Variants in ADAMTS5 observed in about 807,000 individuals in gnomAD.
ADAMTS5 encodes the protein A disintegrin and metalloproteinase with thrombospondin motifs 5.
ADAMTS5 carries 54 observed loss-of-function variants against 81.4 expected under a neutral mutation model. That is an observed-to-expected ratio of 0.66 (90% confidence interval 0.53 to 0.83). The LOEUF (loss-of-function observed/expected upper bound fraction) is 0.83. Among genes scored for constraint, ADAMTS5 ranks in the 40% least tolerant of loss-of-function variants. The pLI, the probability that ADAMTS5 is intolerant of heterozygous loss-of-function variation, is 0.00. For synonymous variants in ADAMTS5, 532 were observed against 508.8 expected (o/e 1.05, Z -0.61); for missense variants, 1,194 against 1,229.9 (o/e 0.97, Z 0.44).
chr21:26,957,447 TGATAGATAGATA>T lies in ADAMTS5; in HGVS notation c.1105-2588_1105-2577del, dbSNP rs3838079. Among the ~76,000 whole-genome samples, 1,114 of 150,506 alleles carry T rather than the reference TGATAGATAGATA, an allele frequency of 7.4e-3. 15 individuals carry two copies. The highest frequency in any genetic ancestry group is 0.025 in the African/African-American group (1,015 of 40,994). ...GTGTGTCTATAGATAGATGGATAGA[TGATAGATAGATA>T]GATAGATAGATAGATAGATATAATC... On this transcript the variant is annotated intron_variant, in intron 1 of 7. Coordinates refer to ENST00000284987, the MANE Select transcript of ADAMTS5 (RefSeq NM_007038.5).
In ADAMTS5 at chr21:26,919,601, A is replaced by G. The variant is rs1478289341; in HGVS notation, c.*4452T>C. The G allele has an allele frequency of 1.3e-5, 2 of 152,014 alleles. No individual in the cohort carries two copies. Among genetic ancestry groups the G allele is most frequent in the African/African-American group, 2.4e-5 (1 of 41,408 alleles). 9.4% of individuals were successfully genotyped at this position (152,014 alleles called of 1,614,324 possible). On this transcript the variant is annotated 3_prime_UTR_variant, in exon 8 of 8. Coordinates refer to ENST00000284987, the MANE Select transcript of ADAMTS5 (RefSeq NM_007038.5). ...GACTGAATGTTTTGCTGATCTGAAC[A>G]CTACCTGTATTCCAATTTTTTGGCT... is the stretch of plus-strand genomic sequence containing the variant.
In ADAMTS5 at chr21:26,954,885, A is replaced by G. The variant is rs1181830212; in HGVS notation, c.1105-14T>C. 1.2e-6 allele frequency: 2 copies of G among 1,613,110 alleles called. No homozygotes were observed. The highest frequency in any genetic ancestry group is 3.3e-5 in the Admixed American group (2 of 59,768). Reference sequence around the variant, plus strand: ...CCCACATAAATCCTGCCCAGGAGAAAGAAAGAAATCATTAAAATCAATTTA... The same window carrying G: ...CCCACATAAATCCTGCCCAGGAGAAGGAAAGAAATCATTAAAATCAATTTA... On this transcript the variant is annotated splice_polypyrimidine_tract_variant and intron_variant, in intron 1 of 7. Transcript: ENST00000284987.
chr21:26,947,727 GC>G (rs1224122889), intron 2 of ADAMTS5, among the ~76,000 whole-genome samples: 2 of 152,200 alleles, frequency 1.3e-5, no homozygotes, highest in Non-Finnish European at 2.9e-5. Context: ...GAACCACTGC[GC>G]CCGATCAGAA....
rs753535346 is a variant in ADAMTS5 at position 26,924,039 on chromosome 21, A to T, written c.*14T>A. On this transcript the variant is annotated 3_prime_UTR_variant, in exon 8 of 8. Coordinates refer to ENST00000284987, the MANE Select transcript of ADAMTS5 (RefSeq NM_007038.5). ...TCCTCCAGTTATCTTTGTGCATAAG[A>T]TCATAACCACAGGCTAACATTTCTT... The T allele has an allele frequency of 1.9e-6, 3 of 1,577,890 alleles. No homozygotes were observed. Among genetic ancestry groups the T allele is most frequent in the East Asian group, 2.3e-5 (1 of 44,234 alleles).
Position 26,965,476 on chromosome 21 carries a change from T to C in ADAMTS5, c.916A>G (p.Ser306Gly). 1.2e-6 allele frequency: 2 copies of C among 1,614,220 alleles called. No individual in the cohort carries two copies. Among genetic ancestry groups the C allele is most frequent in the South Asian group, 1.1e-5 (1 of 91,086 alleles). The change falls in exon 1 of 8, where the codon AGC becomes GGC. Residue 306 changes from serine (S) to glycine (G), a missense_variant. Physicochemically the swap from Ser to Gly is moderately conservative, Grantham distance 56 (BLOSUM62 0). Transcript: ENST00000284987. The part of the protein sequence containing the change: ...SIANRLYSHA[S>G]IENHIRLAVV... ...GCCAGGCGGATGTGGTTCTCGATGCTAGCATGGCTGTACAGCCTATTGGCG... is the reference window on the plus strand; with the variant it reads ...GCCAGGCGGATGTGGTTCTCGATGCCAGCATGGCTGTACAGCCTATTGGCG...
chr21:26,958,946 T>C (rs920008184), intron 1 of ADAMTS5, among the ~76,000 whole-genome samples: 3 of 152,214 alleles, frequency 2.0e-5, no homozygotes, highest in Middle Eastern at 6.8e-3. Flanking sequence ...GGAAACATAA[T>C]GGAATGGGAA....
At position 26,918,521 on chromosome 21, in the gene ADAMTS5, G is replaced by A. The variant is rs773671974; in HGVS notation, c.*5532C>T. On this transcript the variant is annotated 3_prime_UTR_variant, in exon 8 of 8. Transcript: ENST00000284987. ...TATGTATGATTTCCTCTGACTAATAGGTCATACAAATACGTAAGTAGTGTT... is the reference window on the plus strand; with the variant it reads ...TATGTATGATTTCCTCTGACTAATAAGTCATACAAATACGTAAGTAGTGTT... 1.3e-5 allele frequency: 2 copies of A among 151,940 alleles called. No individual in the cohort carries two copies. The highest frequency in any genetic ancestry group is 1.9e-4 in the East Asian group (1 of 5,184). The allele number at this position is 151,940 out of a possible 1,614,324, so 9.4% of individuals were successfully genotyped here.
In ADAMTS5 at chr21:26,965,899, G is replaced by C. The variant is rs1987646335; in HGVS notation, c.493C>G (p.Leu165Val). ...CAGGGTCCGCGCAGCAGTGGCTTTA[G>C]GGTGTAGCGCGCGTGCTTGACCGCG... The part of the protein sequence containing the change: ...FFAVKHARYT[L>V]KPLLRGPWAE... The change falls in exon 1 of 8, where the codon CTA (leucine) becomes GTA (valine). Residue 165 changes from leucine to valine, a missense_variant. Leu to Val is a conservative substitution (Grantham distance 32). This residue lies in a region of ADAMTS5 where 498 missense variants were observed against 412.3 expected (regional missense o/e 1.21). Coordinates refer to ENST00000284987, the MANE Select transcript of ADAMTS5 (RefSeq NM_007038.5). 1 of 1,613,944 alleles carries C rather than the reference G, an allele frequency of 6.2e-7. No homozygotes were observed. The highest frequency in any genetic ancestry group is 1.1e-5 in the South Asian group (1 of 91,072).
At chr21:26,935,242 C>T (rs771681189) in intron 3 of ADAMTS5, among the ~76,000 whole-genome samples, 25 of 152,166 alleles carry the variant, frequency 1.6e-4, no homozygotes, top group Non-Finnish European at 2.1e-4. Flanking sequence ...TATCACATGT[C>T]TCCTTTCCAC....
rs1987155812 is a variant in ADAMTS5, at chr21:26,943,533, G to A, written c.1252C>T (p.Leu418Phe). Residue 418 changes from leucine (L) to phenylalanine (F), a missense_variant, in exon 3 of 8, where the codon CTC becomes TTC. By Grantham distance (22) the Leu-to-Phe change is conservative. This residue lies in a region of ADAMTS5 where 696 missense variants were observed against 817.6 expected (regional missense o/e 0.85). Transcript: ENST00000284987. ...VAHEIGHLLGLSHDDSKFCEE... is the reference protein window; with the variant it reads ...VAHEIGHLLGFSHDDSKFCEE... ...CAGAATTTGGAATCGTCATGGGAGA[G>A]GCCAAGTAAATGTCCTAAGGGAGAC... 6.2e-7 allele frequency: 1 copy of A among 1,613,106 alleles called. No homozygotes were observed. Among genetic ancestry groups the A allele is most frequent in the African/African-American group, 1.3e-5 (1 of 74,872 alleles).
At chr21:26,960,452 G>A (rs1177876109) in intron 1 of ADAMTS5, among the ~76,000 whole-genome samples, 1 of 152,208 alleles carries the variant, frequency 6.6e-6, no homozygotes, top group Non-Finnish European at 1.5e-5. Context: ...GGTAAATGAG[G>A]TTAAATGAGG....
In ADAMTS5 at chr21:26,965,725, G is replaced by C. The variant is rs756842649; in HGVS notation, c.667C>G (p.Pro223Ala). The C allele has an allele frequency of 6.3e-7, 1 of 1,590,284 alleles. No homozygotes were observed. The highest frequency in any genetic ancestry group is 8.5e-7 in the Non-Finnish European group (1 of 1,169,816). ...ASTPEAHEHA[P>A]AHSNPSGRAA... ...CGTCCGCTCGGGTTGCTGTGCGCCG[G>C]AGCATGCTCGTGGGCCTCCGGTGTG... The change falls in exon 1 of 8, where the codon CCG becomes GCG. Residue 223 changes from proline (P) to alanine (A), a missense_variant. Coordinates refer to ENST00000284987, the MANE Select transcript of ADAMTS5 (RefSeq NM_007038.5).
chr21:26,932,280 G>GT lies in ADAMTS5; in HGVS notation c.1874-102dup, dbSNP rs959699317. The stretch of plus-strand genomic sequence containing the variant: ...AATTTTAAGGGGAAGATGCAAACGT[G>GT]TTTTTTTTATCCCACAGTCTCTTTA... On this transcript the variant is annotated intron_variant, in intron 5 of 7. Transcript: ENST00000284987. The GT allele has an allele frequency of 1.8e-4, 234 of 1,290,194 alleles. 1 individual carries two copies. Among genetic ancestry groups the GT allele is most frequent in the South Asian group, 1.2e-3 (73 of 62,902 alleles). 79.9% of individuals were successfully genotyped at this position (1,290,194 alleles called of 1,614,324 possible). A position where few individuals can be genotyped will look rare whatever the true frequency, so the allele number is the denominator to read the frequency against.
intron 5 of ADAMTS5, 47 bp from the exon 6 acceptor site, chr21:26,932,226 T>C (rs888125885): frequency 1.3e-6 from 2 of 1,569,232 alleles, no homozygotes; most frequent in Non-Finnish European, 1.7e-6. Context: ...TTCTGAAACT[T>C]AGATATATTC....
intron 5 of ADAMTS5, 143 bp downstream of exon 5, chr21:26,932,718 T>C (rs1986935066): frequency 2.6e-6 from 2 of 778,698 alleles, no homozygotes; most frequent in Admixed American, 4.1e-5. Flanking sequence ...AACAAACACA[T>C]AGGTGTTTGT....
intron 1 of ADAMTS5, among the ~76,000 whole-genome samples, chr21:26,964,505 T>A (rs960137617): frequency 1.3e-5 from 2 of 152,228 alleles, no homozygotes; most frequent in Admixed American, 1.3e-4. Flanking sequence ...CGGAAACATA[T>A]TCATCCAAAA....
In ADAMTS5 at chr21:26,931,996, G is replaced by A; in HGVS notation, c.2049+8C>T. On this transcript the variant is annotated splice_region_variant and intron_variant, in intron 6 of 7. Transcript: ENST00000284987. ...CCTACTGCTTCTGGACAGTTGGTGT[G>A]TAGTTACCTTTGGAGAAAATACCAC... 1 of 1,609,848 alleles carries A rather than the reference G, an allele frequency of 6.2e-7. No homozygotes were observed.
At chr21:26,943,748 G>C (rs16979486) in intron 2 of ADAMTS5, among the ~76,000 whole-genome samples, 3 of 152,106 alleles carry the variant, frequency 2.0e-5, no homozygotes, top group African/African-American at 7.2e-5. Context: ...TGAACATTTC[G>C]ATGGAAACTG....
intron 1 of ADAMTS5, among the ~76,000 whole-genome samples, chr21:26,963,587 C>T (rs1987570793): frequency 1.6e-5 from 2 of 126,410 alleles, no homozygotes; most frequent in South Asian, 5.4e-4. Flanking sequence ...TCCTTCTTGG[C>T]ATCCTCTTGT....
Sources: allele counts gnomAD v4.1 joint callset (sites outside exome capture counted in the v4.1 genomes callset), GRCh38; gene constraint gnomAD v4.1.1; regional missense constraint gnomAD v4.1.1; transcripts MANE v1.5; gene names NCBI Gene and HGNC (gene_info 2026-07-23, HGNC 2026-07-21).